The following ADAMTSL1 variants were observed in gnomAD, a reference collection of about 807,000 sequenced individuals.
ADAMTSL1 encodes ADAMTS-like protein 1.
Under a neutral mutation model 201.8 loss-of-function variants are expected in ADAMTSL1, and 126 were observed. That is an observed-to-expected ratio of 0.62 (90% CI 0.54 to 0.72). The LOEUF (loss-of-function observed/expected upper bound fraction) is 0.72. Among genes scored for constraint, ADAMTSL1 ranks in the 30% least tolerant of loss-of-function variants. ADAMTSL1 has a pLI of 0.00. For missense variants in ADAMTSL1, 2,679 were observed against 2,277.8 expected, an observed-to-expected ratio of 1.18 and a Z score of -3.59; for synonymous variants, 1,121 against 903.4, an observed-to-expected ratio of 1.24 and a Z score of -4.32.
chr9:18,191,696 C>T (rs978150902), intron 2 of ADAMTSL1, among the ~76,000 whole-genome samples: 2 of 152,062 alleles, frequency 1.3e-5, no homozygotes, highest in Non-Finnish European at 2.9e-5. Flanking sequence ...TTTCCAGGCC[C>T]GATTATTAGT....
intron 2 of ADAMTSL1, among the ~76,000 whole-genome samples, chr9:18,400,328 C>G (rs1043523732): frequency 5.3e-5 from 8 of 152,088 alleles, no homozygotes; most frequent in African/African-American, 1.9e-4. Flanking sequence ...ATAATTCAGT[C>G]TTTTCTCCAG....
At chr9:18,131,814 G>A (rs185944700) in intron 1 of ADAMTSL1, among the ~76,000 whole-genome samples, 1 of 152,128 alleles carries the variant, frequency 6.6e-6, no homozygotes, top group African/African-American at 2.4e-5. Flanking sequence ...TCACTCTCTA[G>A]GTGACATTGT....
At chr9:18,302,023 A>G (rs1163962479) in intron 2 of ADAMTSL1, among the ~76,000 whole-genome samples, 1 of 152,172 alleles carries the variant, frequency 6.6e-6, no homozygotes, top group Non-Finnish European at 1.5e-5. Context: ...GGGATGTTAG[A>G]TTTATTTTCA....
intron 4 of ADAMTSL1, among the ~76,000 whole-genome samples, chr9:18,613,870 T>C (rs1255944551): frequency 6.7e-6 from 1 of 149,360 alleles, no homozygotes; most frequent in Non-Finnish European, 1.5e-5. Flanking sequence ...ATCATGCACA[T>C]GTACCCCTGA....
chr9:18,853,755 C>T (rs903510501), intron 23 of ADAMTSL1, among the ~76,000 whole-genome samples: 1 of 152,172 alleles, frequency 6.6e-6, no homozygotes, highest in Admixed American at 6.5e-5. Context: ...AGATCTCTAT[C>T]ACTGTCTTAA....
chr9:18,031,704 C>T (rs1216193202), intron 1 of ADAMTSL1, among the ~76,000 whole-genome samples: 1 of 152,194 alleles, frequency 6.6e-6, no homozygotes, highest in Non-Finnish European at 1.5e-5. Context: ...TGGCATTGTT[C>T]CTGCATTTCC....
intron 4 of ADAMTSL1, among the ~76,000 whole-genome samples, chr9:18,586,391 G>A (rs1012985418): frequency 1.3e-5 from 2 of 152,038 alleles, no homozygotes; most frequent in Non-Finnish European, 2.9e-5. Context: ...AATTAGAGAG[G>A]TGAGAACTTT....
At chr9:18,207,661 G>A (rs1829709481) in intron 2 of ADAMTSL1, among the ~76,000 whole-genome samples, 1 of 152,148 alleles carries the variant, frequency 6.6e-6, no homozygotes, top group Non-Finnish European at 1.5e-5. Flanking sequence ...AGGCGCCCTT[G>A]TAACATGCGG....
At chr9:17,916,086 AT>A (rs926997210) in intron 1 of ADAMTSL1, among the ~76,000 whole-genome samples, 1 of 152,214 alleles carries the variant, frequency 6.6e-6, no homozygotes, top group South Asian at 2.1e-4. Context: ...TGCACAGCTA[AT>A]TTTTTTGTAC....
intron 1 of ADAMTSL1, among the ~76,000 whole-genome samples, chr9:17,952,565 G>C (rs1032594162): frequency 6.6e-6 from 1 of 152,036 alleles, no homozygotes; most frequent in East Asian, 1.9e-4. Context: ...CTTAAAAAAA[G>C]TTCCTGCCTA....
At chr9:18,397,879 T>A (rs183840299) in intron 2 of ADAMTSL1, among the ~76,000 whole-genome samples, 1 of 152,322 alleles carries the variant, frequency 6.6e-6, no homozygotes, top group East Asian at 1.9e-4. Context: ...TATCACTGAA[T>A]AAGCCTCTCT....
intron 2 of ADAMTSL1, among the ~76,000 whole-genome samples, chr9:18,302,748 A>G (rs1833756646): frequency 6.6e-6 from 1 of 152,222 alleles, no homozygotes; most frequent in African/African-American, 2.4e-5. Context: ...CTTAATGGTA[A>G]GATTAAGCAT....
chr9:18,065,571 G>GA (rs1221152191), intron 1 of ADAMTSL1, among the ~76,000 whole-genome samples: 1 of 152,114 alleles, frequency 6.6e-6, no homozygotes, highest in Non-Finnish European at 1.5e-5. Context: ...AAAGTAATTG[G>GA]AAAAATAAAC....
chr9:18,665,487 T>C (rs778240185), intron 9 of ADAMTSL1, among the ~76,000 whole-genome samples: 10 of 152,068 alleles, frequency 6.6e-5, no homozygotes, highest in Non-Finnish European at 1.3e-4. Context: ...TAAATATCAG[T>C]CATTATTTTA....
intron 2 of ADAMTSL1, among the ~76,000 whole-genome samples, chr9:18,219,322 C>G (rs906174790): frequency 6.6e-6 from 1 of 150,662 alleles, no homozygotes; most frequent in Non-Finnish European, 1.5e-5. Flanking sequence ...CCTATGAATC[C>G]AATATATATT....
chr9:18,156,404 A>T (rs1417908057), intron 1 of ADAMTSL1, among the ~76,000 whole-genome samples: 1 of 152,018 alleles, frequency 6.6e-6, no homozygotes, highest in Non-Finnish European at 1.5e-5. Context: ...ACTCCTAAGC[A>T]ACTCACTTTA....
intron 2 of ADAMTSL1, among the ~76,000 whole-genome samples, chr9:18,282,511 TA>T (rs1157235918): frequency 2.0e-5 from 3 of 152,236 alleles, no homozygotes; most frequent in Non-Finnish European, 4.4e-5. Context: ...CTGCTGTGGT[TA>T]AAAAATAAAA....
intron 16 of ADAMTSL1, among the ~76,000 whole-genome samples, chr9:18,760,163 T>A (rs1819991782): frequency 6.6e-6 from 1 of 152,216 alleles, no homozygotes; most frequent in Non-Finnish European, 1.5e-5. Flanking sequence ...TCTGTCCTGC[T>A]TTCTACCTGG....
chr9:17,960,093 C>T (rs1050589316), intron 1 of ADAMTSL1, among the ~76,000 whole-genome samples: 4 of 152,182 alleles, frequency 2.6e-5, no homozygotes, highest in Non-Finnish European at 5.9e-5. Flanking sequence ...TGATCCTTAG[C>T]TCCTTCTTTC....
Sources: gnomAD v4.1 joint callset for allele counts (sites outside exome capture counted in the v4.1 genomes callset) on GRCh38, gnomAD v4.1.1 for gene constraint, MANE v1.5 for transcripts, NCBI Gene and HGNC (gene_info 2026-07-23, HGNC 2026-07-21) for gene names.